The following ANKS1B variants were observed in gnomAD, a reference collection of about 807,000 sequenced individuals.
ANKS1B encodes ankyrin repeat and sterile alpha motif domain-containing protein 1B.
A neutral mutation model predicts 148.3 loss-of-function variants in ANKS1B; 36 were observed. That is an observed-to-expected ratio of 0.24 (90% CI 0.19 to 0.32). The LOEUF (loss-of-function observed/expected upper bound fraction) is 0.32. Among genes scored for constraint, ANKS1B ranks in the 10% least tolerant of loss-of-function variants. The pLI, the probability that ANKS1B is intolerant of heterozygous loss-of-function variation, is 1.00. For synonymous variants in ANKS1B, 542 were observed against 560.8 expected (o/e 0.97, Z 0.47); for missense variants, 1,157 against 1,542.6 (o/e 0.75, Z 4.19).
At chr12:98,743,768 G>T (rs1366238586), downstream of ANKS1B, among the ~76,000 whole-genome samples, 1 of 152,182 alleles carries the variant, frequency 6.6e-6, no homozygotes, top group Admixed American at 6.5e-5. Flanking sequence ...TTAAAAGAAG[G>T]CAGTGGGGGC....
At chr12:98,759,654 A>G (rs551723311) in intron 25 of ANKS1B, among the ~76,000 whole-genome samples, 1 of 152,294 alleles carries the variant, frequency 6.6e-6, no homozygotes, top group East Asian at 1.9e-4. Flanking sequence ...TCACTGATAC[A>G]TGTGCAAAAA....
intron 8 of ANKS1B, among the ~76,000 whole-genome samples, chr12:99,716,509 C>G (rs538551648): frequency 6.6e-6 from 1 of 152,254 alleles, no homozygotes; most frequent in South Asian, 2.1e-4. Context: ...TCAACTCACA[C>G]CTGACCTAAA....
intron 12 of ANKS1B, among the ~76,000 whole-genome samples, chr12:99,298,501 A>G (rs2081197020): frequency 6.6e-6 from 1 of 152,220 alleles, no homozygotes; most frequent in Non-Finnish European, 1.5e-5. Context: ...CTGTGAGTCC[A>G]TTAAACCTCT....
intron 9 of ANKS1B, among the ~76,000 whole-genome samples, chr12:99,564,364 G>C (rs1040677606): frequency 6.6e-6 from 1 of 151,260 alleles, no homozygotes; most frequent in African/African-American, 2.4e-5. Context: ...ACAGAAAGAC[G>C]CCCAAAATTG....
At chr12:99,633,961 T>A (rs1435679032) in intron 9 of ANKS1B, among the ~76,000 whole-genome samples, 1 of 152,174 alleles carries the variant, frequency 6.6e-6, no homozygotes, top group Non-Finnish European at 1.5e-5. Flanking sequence ...TTTGATATCA[T>A]GAGACTATGA....
At chr12:98,947,361 TA>T (rs1347367346) in intron 17 of ANKS1B, among the ~76,000 whole-genome samples, 5 of 152,100 alleles carry the variant, frequency 3.3e-5, no homozygotes, top group Admixed American at 6.6e-5. Context: ...TCCAGGGTTG[TA>T]GTGATGAAGG....
At chr12:99,774,486 G>A (rs2063474236) in intron 7 of ANKS1B, among the ~76,000 whole-genome samples, 2 of 152,012 alleles carry the variant, frequency 1.3e-5, no homozygotes, top group South Asian at 4.1e-4. Context: ...AAGATAGGAG[G>A]TGTTTCTGAG....
intron 4 of ANKS1B, among the ~76,000 whole-genome samples, chr12:99,796,416 G>A (rs893246471): frequency 2.6e-5 from 4 of 151,952 alleles, no homozygotes; most frequent in Non-Finnish European, 4.4e-5. Context: ...GGCAGGGGTA[G>A]GGGGAACTAT....
chr12:99,077,591 T>G (rs2048280275), intron 16 of ANKS1B, among the ~76,000 whole-genome samples: 2 of 152,200 alleles, frequency 1.3e-5, no homozygotes, highest in African/African-American at 2.4e-5. Flanking sequence ...GAAATAACAT[T>G]GGTTGTACAC....
intron 9 of ANKS1B, among the ~76,000 whole-genome samples, chr12:99,553,488 A>T (rs1342008298): frequency 1.3e-5 from 2 of 152,196 alleles, no homozygotes; most frequent in Admixed American, 6.6e-5. Context: ...AGAATATTAG[A>T]TCAAGGGGCC....
At chr12:98,978,967 C>A (rs994173953) in intron 17 of ANKS1B, among the ~76,000 whole-genome samples, 1 of 151,706 alleles carries the variant, frequency 6.6e-6, no homozygotes, top group Non-Finnish European at 1.5e-5. Flanking sequence ...CACGGTGAAA[C>A]CCATCTCTAC....
chr12:99,703,774 G>A (rs2055265776), intron 8 of ANKS1B, among the ~76,000 whole-genome samples: 1 of 152,040 alleles, frequency 6.6e-6, no homozygotes, highest in Non-Finnish European at 1.5e-5. Context: ...AGGTATATGA[G>A]GCCACATCTT....
chr12:99,117,675 C>T (rs984371577), intron 15 of ANKS1B, among the ~76,000 whole-genome samples: 2 of 152,190 alleles, frequency 1.3e-5, no homozygotes, highest in Non-Finnish European at 2.9e-5. Context: ...TGTTGGGTCT[C>T]TGCCAGATTT....
chr12:99,478,399 A>G (rs944452487), intron 10 of ANKS1B, among the ~76,000 whole-genome samples: 5 of 152,134 alleles, frequency 3.3e-5, no homozygotes, highest in Non-Finnish European at 7.4e-5. Context: ...AATCCAGCTA[A>G]AGGAAAGATG....
chr12:99,908,857 G>A (rs1354741675), intron 1 of ANKS1B, among the ~76,000 whole-genome samples: 1 of 151,876 alleles, frequency 6.6e-6, no homozygotes, highest in Non-Finnish European at 1.5e-5. Context: ...TCCCCCTTTG[G>A]TGATAATCTA....
At chr12:99,273,515 C>T (rs891920770) in intron 12 of ANKS1B, among the ~76,000 whole-genome samples, 2 of 151,928 alleles carry the variant, frequency 1.3e-5, no homozygotes, top group African/African-American at 4.8e-5. Flanking sequence ...TTGAATGTGA[C>T]CCAACACAAA....
intron 12 of ANKS1B, among the ~76,000 whole-genome samples, chr12:99,341,688 G>A (rs548892415): frequency 6.6e-6 from 1 of 152,174 alleles, no homozygotes; most frequent in Non-Finnish European, 1.5e-5. Context: ...ATACAGAATG[G>A]GTAATCAGTA....
intron 14 of ANKS1B, among the ~76,000 whole-genome samples, chr12:99,162,202 G>C (rs1011714113): frequency 1.3e-5 from 2 of 152,204 alleles, no homozygotes; most frequent in African/African-American, 4.8e-5. Context: ...ACTATTAATG[G>C]ATTTAGGGTT....
chr12:99,285,681 G>A (rs2079034689), intron 12 of ANKS1B, among the ~76,000 whole-genome samples: 1 of 152,172 alleles, frequency 6.6e-6, no homozygotes, highest in South Asian at 2.1e-4. Context: ...GAGTATGAAA[G>A]ATGTTGGCGC....
Sources: gnomAD v4.1 joint callset for allele counts (sites outside exome capture counted in the v4.1 genomes callset) on GRCh38, gnomAD v4.1.1 for gene constraint, MANE v1.5 for transcripts, NCBI Gene and HGNC (gene_info 2026-07-23, HGNC 2026-07-21) for gene names.